Variants in TMEM100 observed in about 807,000 individuals in gnomAD.
TMEM100 encodes the protein transmembrane protein 100.
For synonymous variants in TMEM100, 61 were observed against 67.1 expected, an observed-to-expected ratio of 0.91 and a Z score of 0.44; for missense variants, 137 against 168.2, an observed-to-expected ratio of 0.81 and a Z score of 1.02.
chr17:55,728,938 G>A (rs1909136396), intron 1 of TMEM100, among the ~76,000 whole-genome samples: 1 of 152,232 alleles, frequency 6.6e-6, no homozygotes, highest in Non-Finnish European at 1.5e-5. Context: ...AAAAGTGCAA[G>A]TCTTCTACAA....
chr17:55,725,701 ATGTGTGTGTG>A (rs57564459), upstream of TMEM100, among the ~76,000 whole-genome samples: 439 of 139,674 alleles, frequency 3.1e-3, 6 homozygotes, highest in East Asian at 9.3e-3. Context: ...ACCCATATAT[ATGTGTGTGTG>A]TGTGTGTGTG....
intron 1 of TMEM100, among the ~76,000 whole-genome samples, chr17:55,722,265 G>A (rs1051387559): frequency 1.3e-5 from 2 of 152,156 alleles, no homozygotes; most frequent in Non-Finnish European, 1.5e-5. Flanking sequence ...TGTAGTTACC[G>A]AACAAGTTTA....
intron 1 of TMEM100, among the ~76,000 whole-genome samples, chr17:55,729,268 C>G (rs1371923829): frequency 6.6e-6 from 1 of 152,078 alleles, no homozygotes; most frequent in Non-Finnish European, 1.5e-5. Flanking sequence ...TTGGCAAACG[C>G]GGACAGGTAG....
rs1481053669 is a variant in TMEM100 at position 55,720,936 on chromosome 17, A to G, written c.135T>C (p.Ala45=). 1 of 1,614,124 alleles carries G rather than the reference A, an allele frequency of 6.2e-7. No homozygotes were observed. Among genetic ancestry groups the G allele is most frequent in the Non-Finnish European group, 8.5e-7 (1 of 1,180,038 alleles). Residue 45 remains alanine, a synonymous_variant, in exon 2 of 2, where the codon GCT becomes GCC. Transcript: ENST00000424486. ...PLVSEIQLMA[A]TGGTELSCYR... ...AGCAGGAGAGCTCGGTACCCCCTGTAGCAGCCATCAACTGAATCTCACTGA... is the reference window on the plus strand; with the variant it reads ...AGCAGGAGAGCTCGGTACCCCCTGTGGCAGCCATCAACTGAATCTCACTGA...
In TMEM100 at chr17:55,720,565, A is replaced by C; in HGVS notation, c.*101T>G. ...CACCCCCATTCTTCCAGTCTGCTCC[A>C]ACGCCAAGTCTGTTCTCTCCCACCA... On this transcript the variant is annotated 3_prime_UTR_variant, in exon 2 of 2. Transcript: ENST00000424486. 5 of 1,138,798 alleles carry C rather than the reference A, an allele frequency of 4.4e-6. No homozygotes were observed. The highest frequency in any genetic ancestry group is 3.6e-6 in the Non-Finnish European group (3 of 839,494). 70.5% of individuals were successfully genotyped at this position (1,138,798 alleles called of 1,614,324 possible). A position where few individuals can be genotyped will look rare whatever the true frequency, so the allele number is the denominator to read the frequency against.
Position 55,722,621 on chromosome 17 carries a change from C to T in TMEM100, c.-68G>A, listed in dbSNP as rs778537402. The T allele has an allele frequency of 6.6e-6, 1 of 152,202 alleles. No homozygotes were observed. The highest frequency in any genetic ancestry group is 1.5e-5 in the Non-Finnish European group (1 of 68,044). 9.4% of individuals were successfully genotyped at this position (152,202 alleles called of 1,614,324 possible). A position where few individuals can be genotyped will look rare whatever the true frequency, so the allele number is the denominator to read the frequency against. On this transcript the variant is annotated splice_region_variant and 5_prime_UTR_variant, in exon 1 of 2. Transcript: ENST00000424486. ...GTCCCCAAATTACTTACACTCACCT[C>T]GGAGAGAGGCAATCCATTACCAGAG...
At chr17:55,725,335 CT>C (rs1275281883), upstream of TMEM100, among the ~76,000 whole-genome samples, 3 of 152,138 alleles carry the variant, frequency 2.0e-5, no homozygotes, top group African/African-American at 7.2e-5. Flanking sequence ...CTCTCTAGTT[CT>C]TTCTAAAGCA....
intron 1 of TMEM100, among the ~76,000 whole-genome samples, chr17:55,731,419 T>C (rs1909202271): frequency 6.6e-6 from 1 of 152,164 alleles, no homozygotes. Flanking sequence ...ATTCTTTTCC[T>C]CTTTGTGGCT....
Position 55,722,238 on chromosome 17 carries a change from C to G in TMEM100, c.-66+381G>C, listed in dbSNP as rs573800013. Among the ~76,000 whole-genome samples the G allele has an allele frequency of 3.3e-5, 5 of 152,352 alleles. No homozygotes were observed. The East Asian group carries it at 9.6e-4, about 29-fold the overall frequency. On this transcript the variant is annotated intron_variant, in intron 1 of 1. Transcript: ENST00000424486. ...CCATTCTCAAAAAGCTGTCTAGCTG[C>G]TACACAGTTGAGCAGTTGTAGTTAC... is the stretch of plus-strand genomic sequence containing the variant.
upstream of TMEM100, among the ~76,000 whole-genome samples, chr17:55,723,734 C>T (rs1488312530): frequency 1.3e-5 from 2 of 152,154 alleles, no homozygotes; most frequent in Non-Finnish European, 1.5e-5. Context: ...GATTCTGATT[C>T]AGTAAGTCTG....
chr17:55,728,455 A>C (rs1422884078), intron 1 of TMEM100, among the ~76,000 whole-genome samples: 2 of 152,202 alleles, frequency 1.3e-5, no homozygotes, highest in African/African-American at 2.4e-5. Flanking sequence ...ATTACTAAGC[A>C]GATTTGGGTA....
chr17:55,727,003 T>C (rs1221852664), upstream of TMEM100, among the ~76,000 whole-genome samples: 1 of 152,180 alleles, frequency 6.6e-6, no homozygotes, highest in Non-Finnish European at 1.5e-5. Context: ...ATAAGATCCA[T>C]TTGAATATAG....
At position 55,720,074 on chromosome 17, in the gene TMEM100, A is replaced by G. The variant is rs1908814091; in HGVS notation, c.*592T>C. The G allele has an allele frequency of 6.6e-6, 1 of 152,656 alleles. No individual in the cohort carries two copies. Among genetic ancestry groups the G allele is most frequent in the Non-Finnish European group, 1.5e-5 (1 of 68,058 alleles). 9.5% of individuals were successfully genotyped at this position (152,656 alleles called of 1,614,324 possible). ...ATGGGTTTTTCTTTACTTCTGATAC[A>G]TCATTACAACTGGCTAACACTGTCC... On this transcript the variant is annotated 3_prime_UTR_variant, in exon 2 of 2. Coordinates refer to ENST00000424486, the MANE Select transcript of TMEM100 (RefSeq NM_018286.3).
Position 55,720,367 on chromosome 17 carries a change from A to G in TMEM100, c.*299T>C, listed in dbSNP as rs770425775. The G allele has an allele frequency of 2.2e-5, 7 of 317,354 alleles. No individual in the cohort carries two copies. The highest frequency in any genetic ancestry group is 4.4e-5 in the Admixed American group (1 of 22,734). 19.7% of individuals were successfully genotyped at this position (317,354 alleles called of 1,614,324 possible). ...TGATTTTTCTCATCTTTTCTTGGCT[A>G]CTTTACAGGGTGAACCAAATACTGT... is the stretch of plus-strand genomic sequence containing the variant. On this transcript the variant is annotated 3_prime_UTR_variant, in exon 2 of 2. Coordinates refer to ENST00000424486, the MANE Select transcript of TMEM100 (RefSeq NM_018286.3).
upstream of TMEM100, among the ~76,000 whole-genome samples, chr17:55,724,821 A>G (rs929328423): frequency 3.3e-5 from 5 of 152,198 alleles, no homozygotes; most frequent in African/African-American, 1.2e-4. Context: ...TGAGTCTATA[A>G]TGAGGCGCAG....
Position 55,720,642 on chromosome 17 carries a change from T to C in TMEM100, c.*24A>G, listed in dbSNP as rs746054735. ...GTCAGAGCACGTTTTCCAGGCCCAA[T>C]GGCCCATTTGGTCGTATTCAGTCTC... is the stretch of plus-strand genomic sequence containing the variant. On this transcript the variant is annotated 3_prime_UTR_variant, in exon 2 of 2. Coordinates refer to ENST00000424486, the MANE Select transcript of TMEM100 (RefSeq NM_018286.3). The C allele has an allele frequency of 5.2e-6, 8 of 1,524,530 alleles. No homozygotes were observed. The highest frequency in any genetic ancestry group is 1.2e-5 in the South Asian group (1 of 81,354). The allele number at this position is 1,524,530 out of a possible 1,614,324, so 94.4% of individuals were successfully genotyped here. A position where few individuals can be genotyped will look rare whatever the true frequency, so the allele number is the denominator to read the frequency against.
At chr17:55,730,410 T>C (rs1007906869) in intron 1 of TMEM100, among the ~76,000 whole-genome samples, 1 of 152,214 alleles carries the variant, frequency 6.6e-6, no homozygotes, top group Non-Finnish European at 1.5e-5. Context: ...ATAGTAATTA[T>C]TCAATTACAT....
chr17:55,720,560 G>T lies in TMEM100; in HGVS notation c.*106C>A. 11 of 999,972 alleles carry T rather than the reference G, an allele frequency of 1.1e-5. No homozygotes were observed. Among genetic ancestry groups the T allele is most frequent in the East Asian group, 3.3e-5 (1 of 29,870 alleles). 61.9% of individuals were successfully genotyped at this position (999,972 alleles called of 1,614,324 possible). A position where few individuals can be genotyped will look rare whatever the true frequency, so the allele number is the denominator to read the frequency against. On this transcript the variant is annotated 3_prime_UTR_variant, in exon 2 of 2. Coordinates refer to ENST00000424486, the MANE Select transcript of TMEM100 (RefSeq NM_018286.3). ...CCTCCCACCCCCATTCTTCCAGTCTGCTCCAACGCCAAGTCTGTTCTCTCC... is the reference window on the plus strand; with the variant it reads ...CCTCCCACCCCCATTCTTCCAGTCTTCTCCAACGCCAAGTCTGTTCTCTCC...
intron 1 of TMEM100, among the ~76,000 whole-genome samples, chr17:55,730,638 A>T (rs1033755236): frequency 6.6e-6 from 1 of 152,202 alleles, no homozygotes; most frequent in African/African-American, 2.4e-5. Flanking sequence ...CTGTAGTGTT[A>T]TATTAATTGA....
Sources: gnomAD v4.1 joint callset for allele counts (sites outside exome capture counted in the v4.1 genomes callset) on GRCh38, gnomAD v4.1.1 for gene constraint, MANE v1.5 for transcripts, NCBI Gene and HGNC (gene_info 2026-07-23, HGNC 2026-07-21) for gene names.